The following PROM1 variants were observed in gnomAD, a reference collection of about 807,000 sequenced individuals.
The protein encoded by PROM1 is prominin 1, also known as prominin-1.
Under a neutral mutation model 116.9 loss-of-function variants are expected in PROM1, and 105 were observed. The observed-to-expected ratio is 0.90, with a 90% confidence interval of 0.77 to 1.06. PROM1 has a LOEUF of 1.06. Among genes scored for constraint, PROM1 ranks in the 50% least tolerant of loss-of-function variants. The pLI, the probability that PROM1 is intolerant of heterozygous loss-of-function variation, is 0.00. For missense variants in PROM1, 1,122 were observed against 1,045.2 expected (o/e 1.07, Z -1.01); for synonymous variants, 393 against 387.0 (o/e 1.02, Z -0.18).
At chr4:15,986,130 C>A in intron 20 of PROM1, 93 bp from the exon 21 acceptor site, 2 of 888,816 alleles carry the variant, frequency 2.3e-6, no homozygotes, top group Non-Finnish European at 3.5e-6. Flanking sequence ...TAACTCAGCT[C>A]TGCAACACCA....
At chr4:16,083,950 A>G (rs1745522126) in intron 1 of PROM1, 28 bp downstream of exon 1, 1 of 152,368 alleles carries the variant, frequency 6.6e-6, no homozygotes, top group East Asian at 1.9e-4. Flanking sequence ...GGCCGCCGTA[A>G]TGGAAAGGAT....
chr4:16,020,304 T>G (rs1560502965), intron 8 of PROM1, among the ~76,000 whole-genome samples: 1 of 152,228 alleles, frequency 6.6e-6, no homozygotes, highest in Non-Finnish European at 1.5e-5. Context: ...TTCAGTCTAA[T>G]CATAGCTTAA....
In PROM1 at chr4:16,016,251, A is replaced by C. The variant is rs1469558153; in HGVS notation, c.1003-11T>G. On this transcript the variant is annotated splice_polypyrimidine_tract_variant and intron_variant, in intron 9 of 27. Coordinates refer to ENST00000447510, the MANE Select transcript of PROM1 (RefSeq NM_006017.3). ...ATCCACGGGTGGAAGCTGAAAATTT[A>C]TAAAACAAAATATAAGACAAGGTTG... The C allele has an allele frequency of 6.5e-7, 1 of 1,543,236 alleles. No homozygotes were observed. The highest frequency in any genetic ancestry group is 8.8e-7 in the Non-Finnish European group (1 of 1,142,030).
chr4:15,970,709 T>TATGTATGATGTATG (rs1363626705), intron 27 of PROM1, among the ~76,000 whole-genome samples: 3 of 152,178 alleles, frequency 2.0e-5, no homozygotes, highest in Non-Finnish European at 4.4e-5. Context: ...ACATACTGTA[T>TATGTATGATGTATG]ATCATCTCTA....
chr4:16,028,848 A>C (rs1011985289), intron 5 of PROM1, among the ~76,000 whole-genome samples: 1 of 152,252 alleles, frequency 6.6e-6, no homozygotes, highest in Admixed American at 6.5e-5. Flanking sequence ...AATTTTTAGC[A>C]GAAGATAGGA....
chr4:16,054,085 C>T (rs1738454441), intron 2 of PROM1, among the ~76,000 whole-genome samples: 2 of 152,182 alleles, frequency 1.3e-5, no homozygotes, highest in South Asian at 4.1e-4. Context: ...CAGTGCAAGA[C>T]TCTGTCTCGA....
chr4:16,080,097 C>A (rs1744749844), intron 1 of PROM1: 1 of 149,532 alleles, frequency 6.7e-6, no homozygotes, highest in Non-Finnish European at 1.5e-5. Context: ...AAGTCTGAAG[C>A]AGGAGGATTA....
At chr4:15,992,516 G>C (rs1271972581) in intron 16 of PROM1, 125 bp from the exon 17 acceptor site, 20 of 999,162 alleles carry the variant, frequency 2.0e-5, no homozygotes, top group Non-Finnish European at 2.4e-5. Context: ...ACTTTGGGAG[G>C]CTGAGGTGGG....
At chr4:16,012,917 T>C (rs1440893447) in intron 11 of PROM1, among the ~76,000 whole-genome samples, 1 of 151,812 alleles carries the variant, frequency 6.6e-6, no homozygotes, top group African/African-American at 2.4e-5. Flanking sequence ...TTAAGTTTGT[T>C]TAGAAAATAT....
At chr4:16,037,159 G>A (rs1412701606) in intron 3 of PROM1, among the ~76,000 whole-genome samples, 1 of 152,172 alleles carries the variant, frequency 6.6e-6, no homozygotes, top group Non-Finnish European at 1.5e-5. Context: ...GGATCCCACT[G>A]AAGCACTGCC....
At chr4:16,032,454 G>T (rs1171148539) in intron 5 of PROM1, among the ~76,000 whole-genome samples, 1 of 152,106 alleles carries the variant, frequency 6.6e-6, no homozygotes, top group African/African-American at 2.4e-5. Flanking sequence ...AAATCTTACG[G>T]CTACTGAGCA....
Position 16,018,549 on chromosome 4 carries a change from A to G in PROM1, c.785-9T>C. 9.4e-6 allele frequency: 15 copies of G among 1,595,904 alleles called. No individual in the cohort carries two copies. The highest frequency in any genetic ancestry group is 1.3e-5 in the Non-Finnish European group (15 of 1,171,024). ...TTTGGTCTCCTTGATCGCTATGGAAACACAGCCCGCTTCAGAACACACATG... is the reference window on the plus strand; with the variant it reads ...TTTGGTCTCCTTGATCGCTATGGAAGCACAGCCCGCTTCAGAACACACATG... On this transcript the variant is annotated splice_polypyrimidine_tract_variant and intron_variant, in intron 8 of 27. Transcript: ENST00000447510.
intron 1 of PROM1, chr4:16,079,971 T>C (rs1463994125): frequency 1.6e-5 from 2 of 125,998 alleles, no homozygotes; most frequent in East Asian, 2.6e-4. Flanking sequence ...CAATGAAGAA[T>C]TGCTACCAGC....
intron 14 of PROM1, among the ~76,000 whole-genome samples, chr4:15,999,939 C>T (rs923317286): frequency 6.6e-6 from 1 of 152,132 alleles, no homozygotes. Flanking sequence ...CCAACTGGTC[C>T]CCCGGAGTCG....
At chr4:16,011,371 G>A (rs1726850781) in intron 11 of PROM1, among the ~76,000 whole-genome samples, 1 of 152,186 alleles carries the variant, frequency 6.6e-6, no homozygotes, top group Admixed American at 6.5e-5. Flanking sequence ...GCAGAGCCTG[G>A]CACAGAGTTG....
intron 26 of PROM1, among the ~76,000 whole-genome samples, chr4:15,974,176 C>G (rs1485855471): frequency 6.6e-6 from 1 of 151,952 alleles, no homozygotes; most frequent in East Asian, 1.9e-4. Context: ...AGATCACAAT[C>G]CGAGTGACCT....
Position 16,036,405 on chromosome 4 carries a change from G to C in PROM1, c.277-644C>G, listed in dbSNP as rs1433994653. On this transcript the variant is annotated intron_variant, in intron 3 of 27. Transcript: ENST00000447510. Reference sequence around the variant, plus strand: ...CTCTGAGGGAACACCATTTGTGATGGGAATCACTTTTAAATGAGGCATCCA... The same window carrying C: ...CTCTGAGGGAACACCATTTGTGATGCGAATCACTTTTAAATGAGGCATCCA... Among the ~76,000 whole-genome samples, 4 of 152,128 alleles carry C rather than the reference G, an allele frequency of 2.6e-5. No homozygotes were observed. In the East Asian group the frequency reaches 7.7e-4, roughly 29 times the overall value.
intron 15 of PROM1, 26 bp downstream of exon 15, chr4:15,998,359 G>C: frequency 6.5e-7 from 1 of 1,547,166 alleles, no homozygotes; most frequent in Non-Finnish European, 8.7e-7. Context: ...CTTAAATAGC[G>C]AAATGTATAA....
intron 19 of PROM1, 79 bp downstream of exon 19, chr4:15,989,653 T>C: frequency 8.4e-7 from 1 of 1,190,946 alleles, no homozygotes; most frequent in Non-Finnish European, 1.2e-6. Flanking sequence ...GCATGTGTCG[T>C]GAGGCTAAAT....
Sources: gnomAD v4.1 joint callset for allele counts (sites outside exome capture counted in the v4.1 genomes callset) on GRCh38, gnomAD v4.1.1 for gene constraint, MANE v1.5 for transcripts, NCBI Gene and HGNC (gene_info 2026-07-23, HGNC 2026-07-21) for gene names.